AKAP12: variants seen among roughly 807,000 people sequenced by gnomAD.
The protein encoded by AKAP12 is A-kinase anchor protein 12.
AKAP12 carries 32 observed loss-of-function variants against 79.9 expected under a neutral mutation model. The observed-to-expected ratio is 0.40, with a 90% CI of 0.30 to 0.54. The LOEUF is 0.54. Ranked by LOEUF, AKAP12 falls within the 20% of genes least tolerant of loss-of-function variation. The pLI is 0.48. For missense variants in AKAP12, 2,074 were observed against 2,177.0 expected (o/e 0.95, Z 0.94); for synonymous variants, 808 against 857.0 (o/e 0.94, Z 1.00).
chr6:151,348,380 T>C, intron 3 of AKAP12: 1 of 487,096 alleles, frequency 2.1e-6, no homozygotes, highest in Non-Finnish European at 4.0e-6. Context: ...AGCTCACACT[T>C]GTAATCCCAC....
chr6:151,347,003 C>T (rs7738657), intron 3 of AKAP12, among the ~76,000 whole-genome samples: 116,567 of 151,858 alleles, frequency 0.77, 44,994 homozygotes, highest in Admixed American at 0.8. Flanking sequence ...TCAATGTCAT[C>T]ATTCTCTTTC....
chr6:151,333,506 T>A (rs150978632), intron 3 of AKAP12, among the ~76,000 whole-genome samples: 1 of 152,244 alleles, frequency 6.6e-6, no homozygotes, highest in African/African-American at 2.4e-5. Flanking sequence ...ATCCCAGCAC[T>A]TTGGGAGGCC....
chr6:151,275,430 A>G lies in AKAP12; in HGVS notation c.163-30317A>G, dbSNP rs564793505. 7.2e-5 allele frequency among the ~76,000 whole-genome samples: 11 copies of G among 152,102 alleles called. 1 individual carries two copies. The South Asian group carries it at 1.0e-3, about 14-fold the overall frequency. ...GTACATTTTCCATCTAGAAAAGGGG[A>G]AAAAAAATCTGTAGAAGAATGGATT... On this transcript the variant is annotated intron_variant, in intron 2 of 4. Transcript: ENST00000402676.
chr6:151,321,194 C>T (rs915455769), intron 3 of AKAP12, among the ~76,000 whole-genome samples: 3 of 152,128 alleles, frequency 2.0e-5, no homozygotes, highest in Non-Finnish European at 4.4e-5. Context: ...ACCATGTTGA[C>T]CAGGCTGGTC....
chr6:151,320,350 C>A (rs952267756), intron 3 of AKAP12, among the ~76,000 whole-genome samples: 8 of 151,778 alleles, frequency 5.3e-5, no homozygotes, highest in African/African-American at 1.5e-4. Context: ...GCACTCCTGG[C>A]CTCAAGCAAT....
At chr6:151,318,475 T>TTCTTTGTC (rs1401087362) in intron 3 of AKAP12, among the ~76,000 whole-genome samples, 4 of 152,240 alleles carry the variant, frequency 2.6e-5, no homozygotes. Flanking sequence ...GTTATCTTGA[T>TTCTTTGTC]AGATGTCTGG....
At chr6:151,298,143 C>G (rs1241142078) in intron 2 of AKAP12, among the ~76,000 whole-genome samples, 19 of 152,098 alleles carry the variant, frequency 1.2e-4, no homozygotes, top group Non-Finnish European at 2.4e-4. Context: ...CCCATGCTTT[C>G]TATAGTTTAA....
chr6:151,296,121 C>T (rs1022342468), intron 2 of AKAP12, among the ~76,000 whole-genome samples: 2 of 152,312 alleles, frequency 1.3e-5, no homozygotes, highest in East Asian at 3.9e-4. Context: ...CCTGCTGCCA[C>T]CCTCAAGAGG....
intron 1 of AKAP12, 118 bp from the exon 2 acceptor site, chr6:151,240,266 A>C: frequency 1.3e-5 from 3 of 237,192 alleles, no homozygotes; most frequent in East Asian, 7.9e-5. Flanking sequence ...GCCTGGGGGC[A>C]GATGCTGCTG....
intron 2 of AKAP12, among the ~76,000 whole-genome samples, chr6:151,284,194 G>C (rs1457549128): frequency 6.6e-6 from 1 of 152,092 alleles, no homozygotes; most frequent in Admixed American, 6.5e-5. Flanking sequence ...TCTGACTTCT[G>C]TCTGCACAGA....
chr6:151,296,809 G>T (rs1230009351), intron 2 of AKAP12, among the ~76,000 whole-genome samples: 1 of 152,152 alleles, frequency 6.6e-6, no homozygotes, highest in African/African-American at 2.4e-5. Context: ...TGGAAAGCAT[G>T]ACTGTCGGGG....
intron 2 of AKAP12, among the ~76,000 whole-genome samples, chr6:151,280,844 C>T (rs184804772): frequency 5.2e-4 from 79 of 152,088 alleles, no homozygotes; most frequent in African/African-American, 1.3e-3. Flanking sequence ...AGATACTTTA[C>T]GGAATACTCA....
rs184194525 is a variant in AKAP12, at chr6:151,284,515, C to T, written c.163-21232C>T. On this transcript the variant is annotated intron_variant, in intron 2 of 4. Coordinates refer to ENST00000402676, the MANE Select transcript of AKAP12 (RefSeq NM_005100.4). ...TGGCAGTGTGCGCCTGTAGTCCCAG[C>T]TACTTGGGGGGCTGAGGCTGGAGTA... Among the ~76,000 whole-genome samples the T allele has an allele frequency of 2.0e-5, 3 of 152,234 alleles. No individual in the cohort carries two copies. In the East Asian group the frequency reaches 5.8e-4, roughly 29 times the overall value.
intron 3 of AKAP12, chr6:151,348,361 A>AGG: frequency 2.1e-6 from 1 of 469,152 alleles, no homozygotes; most frequent in Non-Finnish European, 4.2e-6. Context: ...TTCTTGGGCT[A>AGG]GGCACTATAG....
intron 2 of AKAP12, among the ~76,000 whole-genome samples, chr6:151,249,128 C>G (rs776441093): frequency 5.3e-5 from 8 of 152,190 alleles, no homozygotes; most frequent in Non-Finnish European, 7.3e-5. Flanking sequence ...ATCTCATTGC[C>G]TCCTAAGCCC....
At chr6:151,253,627 A>G (rs1310490706) in intron 2 of AKAP12, among the ~76,000 whole-genome samples, 2 of 152,214 alleles carry the variant, frequency 1.3e-5, no homozygotes, top group Non-Finnish European at 2.9e-5. Context: ...GCACTGCAGT[A>G]CAAACTGGGA....
At chr6:151,250,901 C>T (rs1489815803) in intron 2 of AKAP12, among the ~76,000 whole-genome samples, 2 of 151,948 alleles carry the variant, frequency 1.3e-5, no homozygotes, top group East Asian at 1.9e-4. Flanking sequence ...CCACTGCGCC[C>T]GGCCAAAAAT....
intron 2 of AKAP12, among the ~76,000 whole-genome samples, chr6:151,255,584 G>A (rs1797276469): frequency 1.3e-5 from 2 of 151,996 alleles, no homozygotes; most frequent in African/African-American, 4.8e-5. Context: ...GGTCACTCAA[G>A]CCCAGGAGTT....
rs778464669 is a variant in AKAP12 at position 151,349,480 on chromosome 6, A to C, written c.1089A>C (p.Glu363Asp). ...SEQAHPQEPAESAHEPRLSAE... is the reference protein window; with the variant it reads ...SEQAHPQEPADSAHEPRLSAE... ...AAGCCCACCCACAGGAGCCGGCAGAAAGTGCCCACGAGCCCCGGTTATCAG... is the reference window on the plus strand; with the variant it reads ...AAGCCCACCCACAGGAGCCGGCAGACAGTGCCCACGAGCCCCGGTTATCAG... Residue 363 changes from glutamate (E) to aspartate (D), a missense_variant, in exon 4 of 5, where the codon GAA becomes GAC. Physicochemically the swap from Glu to Asp is conservative, Grantham distance 45 (BLOSUM62 2). This residue lies in a region of AKAP12 where 1,428 missense variants were observed against 1,451.0 expected (regional missense o/e 0.98). Transcript: ENST00000402676. 6.2e-7 allele frequency: 1 copy of C among 1,606,868 alleles called. No individual in the cohort carries two copies. The highest frequency in any genetic ancestry group is 1.7e-5 in the Admixed American group (1 of 57,296).
Sources: gnomAD v4.1 joint callset for allele counts (sites outside exome capture counted in the v4.1 genomes callset) on GRCh38, gnomAD v4.1.1 for gene constraint, gnomAD v4.1.1 regional missense constraint, MANE v1.5 for transcripts, NCBI Gene and HGNC (gene_info 2026-07-23, HGNC 2026-07-21) for gene names.